The following ITGA11 variants were observed in gnomAD, a reference collection of about 807,000 sequenced individuals.
ITGA11 encodes the protein integrin alpha-11.
Under a neutral mutation model 141.9 loss-of-function variants are expected in ITGA11, and 97 were observed. The ratio of observed to expected loss-of-function variants is 0.68; its 90% CI spans 0.58 to 0.81. ITGA11 has a LOEUF of 0.81. Ranked by LOEUF, ITGA11 falls within the 30% of genes least tolerant of loss-of-function variation. ITGA11 has a pLI of 0.00. For synonymous variants in ITGA11, 658 were observed against 624.6 expected (o/e 1.05, Z -0.80); for missense variants, 1,387 against 1,559.2 (o/e 0.89, Z 1.86).
At chr15:68,396,276 A>C (rs192112928) in intron 2 of ITGA11, among the ~76,000 whole-genome samples, 4 of 152,048 alleles carry the variant, frequency 2.6e-5, no homozygotes, top group Middle Eastern at 3.4e-3. Flanking sequence ...TCAATCAATC[A>C]ATCAATGTAA....
intron 2 of ITGA11, among the ~76,000 whole-genome samples, chr15:68,371,434 T>C (rs1340225882): frequency 6.6e-6 from 1 of 152,120 alleles, no homozygotes; most frequent in Non-Finnish European, 1.5e-5. Context: ...CACGGCCAGC[T>C]GGGTGCAGTG....
chr15:68,416,859 T>A (rs954284116), intron 1 of ITGA11, among the ~76,000 whole-genome samples: 11 of 152,160 alleles, frequency 7.2e-5, no homozygotes, highest in African/African-American at 2.7e-4. Context: ...GAGGTTGCAG[T>A]AAGCCAAGAT....
chr15:68,344,758 C>T (rs781124648), intron 10 of ITGA11, among the ~76,000 whole-genome samples: 4 of 152,126 alleles, frequency 2.6e-5, no homozygotes, highest in African/African-American at 9.7e-5. Context: ...TAGGTCATCA[C>T]GTGCAGGGTA....
chr15:68,382,892 A>G (rs896657633), intron 2 of ITGA11, among the ~76,000 whole-genome samples: 5 of 152,236 alleles, frequency 3.3e-5, no homozygotes, highest in Admixed American at 2.0e-4. Context: ...GATAACAAGC[A>G]TCTTGCTATT....
chr15:68,386,498 G>A (rs1895988778), intron 2 of ITGA11, among the ~76,000 whole-genome samples: 1 of 152,146 alleles, frequency 6.6e-6, no homozygotes, highest in Non-Finnish European at 1.5e-5. Context: ...GTGACTCTGG[G>A]GAGTCAGGCC....
intron 2 of ITGA11, among the ~76,000 whole-genome samples, chr15:68,383,920 T>C (rs1595886161): frequency 6.6e-6 from 1 of 152,058 alleles, no homozygotes; most frequent in African/African-American, 2.4e-5. Context: ...AAGAGACGGG[T>C]GGCAAAGATG....
intron 12 of ITGA11, 148 bp from the exon 13 acceptor site, chr15:68,332,626 C>T (rs560348381): frequency 1.2e-6 from 1 of 841,622 alleles, no homozygotes; most frequent in Non-Finnish European, 1.8e-6. Context: ...CACGCGCTAC[C>T]TCTCTCTCCT....
rs376484814 is a variant in ITGA11 at position 68,398,049 on chromosome 15, A to C, written c.164+4869T>G. 3.7e-3 allele frequency among the ~76,000 whole-genome samples: 569 copies of C among 151,846 alleles called. 26 individuals are homozygous for C. The East Asian group carries it at 0.093, about 25-fold the overall frequency. ...AACCGGTACCAGCCGCTGCAAAATC[A>C]TGCCAAAATGTAAAGACCATCAAGA... On this transcript the variant is annotated intron_variant, in intron 2 of 29. Coordinates refer to ENST00000315757, the MANE Select transcript of ITGA11 (RefSeq NM_001004439.2).
intron 1 of ITGA11, among the ~76,000 whole-genome samples, chr15:68,405,298 T>C (rs1896622524): frequency 6.6e-6 from 1 of 151,880 alleles, no homozygotes; most frequent in Admixed American, 6.6e-5. Context: ...TTATTGAACA[T>C]GCCAATGGAT....
At chr15:68,385,726 T>G (rs1159230077) in intron 2 of ITGA11, among the ~76,000 whole-genome samples, 2 of 152,092 alleles carry the variant, frequency 1.3e-5, no homozygotes, top group African/African-American at 4.8e-5. Context: ...GCTGCAGAAA[T>G]GGAAGCAACT....
intron 10 of ITGA11, among the ~76,000 whole-genome samples, chr15:68,344,225 CA>C (rs1270284661): frequency 1.3e-5 from 2 of 152,048 alleles, no homozygotes; most frequent in Non-Finnish European, 2.9e-5. Context: ...GGGAGAGGGC[CA>C]GGAGACCATC....
chr15:68,345,019 A>G (rs1485342738), intron 10 of ITGA11, among the ~76,000 whole-genome samples: 1 of 151,790 alleles, frequency 6.6e-6, no homozygotes, highest in African/African-American at 2.4e-5. Context: ...TCTTCCCCTC[A>G]AGGCCCATGG....
At position 68,387,408 on chromosome 15, in the gene ITGA11, C is replaced by A. The variant is rs1429274204; in HGVS notation, c.164+15510G>T. Among the ~76,000 whole-genome samples, 6 of 152,120 alleles carry A rather than the reference C, an allele frequency of 3.9e-5. No individual in the cohort carries two copies. In the South Asian group the frequency reaches 6.2e-4, roughly 16 times the overall value. On this transcript the variant is annotated intron_variant, in intron 2 of 29. Transcript: ENST00000315757. ...AGTGTGCTTCCCAGACCAGCAGCAC[C>A]AGCACCACCTGGGAAGTTCTAGAAA...
intron 2 of ITGA11, among the ~76,000 whole-genome samples, chr15:68,398,588 A>G (rs1339491501): frequency 8.1e-6 from 1 of 122,746 alleles, no homozygotes; most frequent in African/African-American, 2.7e-5. Context: ...TATGATTTAT[A>G]TTAAATATAA....
intron 4 of ITGA11, 78 bp downstream of exon 4, chr15:68,364,629 T>G (rs1336508096): frequency 1.1e-6 from 1 of 913,802 alleles, no homozygotes. Context: ...GACATGAGGG[T>G]GTGTAAGGAG....
intron 2 of ITGA11, among the ~76,000 whole-genome samples, chr15:68,374,534 C>G (rs1229495864): frequency 1.3e-5 from 2 of 152,178 alleles, no homozygotes; most frequent in Non-Finnish European, 1.5e-5. Flanking sequence ...TGGTGCTTCC[C>G]CCAAGCCATG....
chr15:68,309,743 A>G (rs1014702469), intron 26 of ITGA11, among the ~76,000 whole-genome samples: 3 of 151,660 alleles, frequency 2.0e-5, no homozygotes, highest in Non-Finnish European at 4.4e-5. Flanking sequence ...GACGCCCACC[A>G]CCACACCCGG....
rs1159486864 is a variant in ITGA11 at position 68,372,980 on chromosome 15, C to T, written c.165-3696G>A. Among the ~76,000 whole-genome samples, 4 of 152,110 alleles carry T rather than the reference C, an allele frequency of 2.6e-5. No individual in the cohort carries two copies. In the East Asian group the frequency reaches 7.7e-4, roughly 29 times the overall value. On this transcript the variant is annotated intron_variant, in intron 2 of 29. Coordinates refer to ENST00000315757, the MANE Select transcript of ITGA11 (RefSeq NM_001004439.2). ...GCATAAACTGTCCAATTTTAATAAA[C>T]TGTATATTAAATGTTAGTAATTCTA...
intron 20 of ITGA11, among the ~76,000 whole-genome samples, chr15:68,318,927 T>C (rs891708314): frequency 1.3e-5 from 2 of 152,178 alleles, no homozygotes; most frequent in African/African-American, 4.8e-5. Context: ...AACAAACTTG[T>C]CTTGAGGGCC....
Sources: allele counts gnomAD v4.1 joint callset (sites outside exome capture counted in the v4.1 genomes callset), GRCh38; gene constraint gnomAD v4.1.1; transcripts MANE v1.5; gene names NCBI Gene and HGNC (gene_info 2026-07-23, HGNC 2026-07-21).